The following KCNIP1 variants were observed in gnomAD, a reference collection of about 807,000 sequenced individuals.
KCNIP1 encodes the protein potassium voltage-gated channel interacting protein 1.
KCNIP1 carries 18 observed loss-of-function variants against 33.0 expected under a neutral mutation model. The observed-to-expected ratio is 0.55, with a 90% CI of 0.38 to 0.81. KCNIP1 has a LOEUF of 0.81. KCNIP1 is among the 30% of genes least tolerant of loss of function. The pLI, the probability that KCNIP1 is intolerant of heterozygous loss-of-function variation, is 0.00. For synonymous variants in KCNIP1, 93 were observed against 98.3 expected, an observed-to-expected ratio of 0.95 and a Z score of 0.32; for missense variants, 238 against 271.6, an observed-to-expected ratio of 0.88 and a Z score of 0.87.
intron 1 of KCNIP1, among the ~76,000 whole-genome samples, chr5:170,360,821 T>C (rs551237498): frequency 6.6e-6 from 1 of 152,358 alleles, no homozygotes; most frequent in East Asian, 1.9e-4. Context: ...CTCAAGCACC[T>C]GCAGCCGAGG....
intron 1 of KCNIP1, among the ~76,000 whole-genome samples, chr5:170,356,340 G>A (rs2113278475): frequency 6.6e-6 from 1 of 152,292 alleles, no homozygotes; most frequent in South Asian, 2.1e-4. Context: ...GTACCTGCTT[G>A]TTCTATGGCA....
intron 1 of KCNIP1, among the ~76,000 whole-genome samples, chr5:170,354,552 T>C (rs1490978430): frequency 6.6e-6 from 1 of 152,202 alleles, no homozygotes; most frequent in Non-Finnish European, 1.5e-5. Context: ...CCCTCCACAT[T>C]TCATGCCTAT....
chr5:170,452,889 C>A (rs1423258191), intron 1 of KCNIP1, among the ~76,000 whole-genome samples: 2 of 152,116 alleles, frequency 1.3e-5, no homozygotes, highest in South Asian at 4.1e-4. Flanking sequence ...CAGAATTCAT[C>A]GCTGGATCGT....
chr5:170,600,072 T>A (rs571677875), intron 1 of KCNIP1, among the ~76,000 whole-genome samples: 1 of 152,006 alleles, frequency 6.6e-6, no homozygotes, highest in Admixed American at 6.5e-5. Flanking sequence ...TGGTGTAGGT[T>A]CTCTCAGGGT....
intron 1 of KCNIP1, among the ~76,000 whole-genome samples, chr5:170,354,640 G>T (rs1355944891): frequency 6.6e-6 from 1 of 152,254 alleles, no homozygotes; most frequent in Non-Finnish European, 1.5e-5. Flanking sequence ...GGGCAGATCA[G>T]AAAGTGTGGC....
At chr5:170,698,534 G>T (rs1167695823) in intron 1 of KCNIP1, among the ~76,000 whole-genome samples, 2 of 152,126 alleles carry the variant, frequency 1.3e-5, no homozygotes, top group African/African-American at 4.8e-5. Context: ...AAGGTCACAT[G>T]AGATAGTGCA....
At chr5:170,449,775 C>T (rs1409604194) in intron 1 of KCNIP1, among the ~76,000 whole-genome samples, 2 of 152,172 alleles carry the variant, frequency 1.3e-5, no homozygotes, top group Non-Finnish European at 2.9e-5. Context: ...GCTAATTCCA[C>T]TCTACCCTCA....
intron 1 of KCNIP1, among the ~76,000 whole-genome samples, chr5:170,408,818 A>T (rs1382417120): frequency 6.6e-6 from 1 of 152,260 alleles, no homozygotes; most frequent in Non-Finnish European, 1.5e-5. Flanking sequence ...AAAGAGCAGC[A>T]GAGTGAAGGC....
Position 170,561,557 on chromosome 5 carries a change from A to G in KCNIP1, c.61+56924A>G, listed in dbSNP as rs190319230. On this transcript the variant is annotated intron_variant, in intron 1 of 7. Coordinates refer to ENST00000328939, the MANE Select transcript of KCNIP1 (RefSeq NM_014592.4). ...CTTCCCTCAGTACCTACAGGGCAGA[A>G]TCTAGAGCTTGTTTGTGCCTTGGCC... 2.5e-3 allele frequency among the ~76,000 whole-genome samples: 388 copies of G among 152,318 alleles called. 2 individuals are homozygous for G. Among genetic ancestry groups the G allele is most frequent in the African/African-American group, 8.9e-3 (369 of 41,570 alleles).
At chr5:170,431,627 T>C (rs1755742293) in intron 1 of KCNIP1, among the ~76,000 whole-genome samples, 1 of 152,120 alleles carries the variant, frequency 6.6e-6, no homozygotes, top group South Asian at 2.1e-4. Flanking sequence ...CCCAAATGGA[T>C]CCAACCAGAG....
At chr5:170,566,947 A>G (rs1199035066) in intron 1 of KCNIP1, among the ~76,000 whole-genome samples, 1 of 152,216 alleles carries the variant, frequency 6.6e-6, no homozygotes, top group Non-Finnish European at 1.5e-5. Flanking sequence ...GGATATTCAG[A>G]GAAAGAGTGT....
Position 170,568,898 on chromosome 5 carries a change from G to A in KCNIP1, c.61+64265G>A, listed in dbSNP as rs572556864. Among the ~76,000 whole-genome samples the A allele has an allele frequency of 2.6e-5, 4 of 152,186 alleles. No individual in the cohort carries two copies. In the South Asian group the frequency reaches 8.3e-4, roughly 32 times the overall value. On this transcript the variant is annotated intron_variant, in intron 1 of 7. Coordinates refer to ENST00000328939, the MANE Select transcript of KCNIP1 (RefSeq NM_014592.4). ...TTCTGGTTCTGGCCCTTTCTCTGCG[G>A]CTACCCAGGCTTGTGTTTTCATCTC...
Position 170,504,385 on chromosome 5 carries a change from C to T in KCNIP1, c.-188C>T. On this transcript the variant is annotated 5_prime_UTR_variant, in exon 1 of 8. Coordinates refer to ENST00000328939, the MANE Select transcript of KCNIP1 (RefSeq NM_014592.4). The surrounding 1 kb of genome is among the most constrained non-coding windows in gnomAD (Gnocchi z 6.0). The stretch of plus-strand genomic sequence containing the variant: ...GGCTAGCCCTGAGTCCCTGCATGTG[C>T]GGGGCTGAAGAAGGAAGCCAGAAGC... The T allele has an allele frequency of 7.0e-7, 1 of 1,435,208 alleles. No individual in the cohort carries two copies. Among genetic ancestry groups the T allele is most frequent in the Non-Finnish European group, 9.1e-7 (1 of 1,100,206 alleles). 88.9% of individuals were successfully genotyped at this position (1,435,208 alleles called of 1,614,324 possible).
At chr5:170,547,098 G>A (rs772740736) in intron 1 of KCNIP1, among the ~76,000 whole-genome samples, 2 of 152,150 alleles carry the variant, frequency 1.3e-5, no homozygotes, top group Non-Finnish European at 2.9e-5. Flanking sequence ...GGCTTTCATT[G>A]TTATTGTTGA....
intron 1 of KCNIP1, among the ~76,000 whole-genome samples, chr5:170,362,145 A>G (rs181305300): frequency 8.1e-4 from 124 of 152,264 alleles, no homozygotes; most frequent in African/African-American, 2.9e-3. Flanking sequence ...GAAACCTAGG[A>G]GGTGGAGTGC....
chr5:170,462,264 C>CAAAAAAAAAAAAAAAAAAA (rs760686464), intron 1 of KCNIP1, among the ~76,000 whole-genome samples: 3 of 52,024 alleles, frequency 5.8e-5, no homozygotes, highest in South Asian at 8.2e-4. Context: ...AACAAATTAG[C>CAAAAAAAAAAAAAAAAAAA]AAAAAAAAAA....
intron 1 of KCNIP1, among the ~76,000 whole-genome samples, chr5:170,526,054 C>A (rs560760759): frequency 6.6e-6 from 1 of 152,330 alleles, no homozygotes; most frequent in African/African-American, 2.4e-5. Context: ...AGTCACTGAG[C>A]CTCACATCGC....
chr5:170,390,517 A>AAAAAAAAAAAAAAAATATATATATAT, intron 1 of KCNIP1, among the ~76,000 whole-genome samples: 12 of 74,538 alleles, frequency 1.6e-4, no homozygotes, highest in Non-Finnish European at 2.0e-4. Flanking sequence ...AAAAAAAACA[A>AAAAAAAAAAAAAAAATATATATATAT]ATATATATAT....
At chr5:170,460,133 A>G (rs1756473030) in intron 1 of KCNIP1, among the ~76,000 whole-genome samples, 1 of 152,168 alleles carries the variant, frequency 6.6e-6, no homozygotes, top group African/African-American at 2.4e-5. Context: ...CTCCTTGCTT[A>G]AATCAGGGAG....
Sources: allele counts gnomAD v4.1 joint callset (sites outside exome capture counted in the v4.1 genomes callset), GRCh38; gene constraint gnomAD v4.1.1; non-coding constraint Gnocchi (gnomAD v3.1); transcripts MANE v1.5; gene names NCBI Gene and HGNC (gene_info 2026-07-23, HGNC 2026-07-21).